SMARCE1: variants seen among roughly 807,000 people sequenced by gnomAD.
The protein encoded by SMARCE1 is SWI/SNF-related matrix-associated actin-dependent regulator of chromatin subfamily E member 1.
Under a neutral mutation model 54.9 loss-of-function variants are expected in SMARCE1, and 13 were observed. The observed-to-expected ratio is 0.24, with a 90% confidence interval of 0.15 to 0.38. The LOEUF is 0.38. Ranked by LOEUF, SMARCE1 falls within the 10% of genes least tolerant of loss-of-function variation. The pLI is 1.00. For synonymous variants in SMARCE1, 151 were observed against 175.3 expected, an observed-to-expected ratio of 0.86 and a Z score of 1.10; for missense variants, 295 against 523.8, an observed-to-expected ratio of 0.56 and a Z score of 4.26.
chr17:40,637,674 C>T (rs1483652573), intron 4 of SMARCE1, 102 bp from the exon 5 acceptor site: 15 of 808,644 alleles, frequency 1.9e-5, no homozygotes, highest in Admixed American at 1.5e-4. Flanking sequence ...TTCTTCTATT[C>T]GTCCAAATAT....
At chr17:40,646,836 A>G (rs1466817040) in intron 1 of SMARCE1, among the ~76,000 whole-genome samples, 1 of 152,186 alleles carries the variant, frequency 6.6e-6, no homozygotes, top group Non-Finnish European at 1.5e-5. Context: ...ATTTTAAGGA[A>G]ATTCCCTGGA....
intron 10 of SMARCE1, 38 bp downstream of exon 10, chr17:40,630,676 T>C: frequency 6.5e-7 from 1 of 1,543,132 alleles, no homozygotes; most frequent in Non-Finnish European, 9.0e-7. Flanking sequence ...CCGTACAAAG[T>C]CTTGGCACTG....
At chr17:40,631,320 A>G (rs918155368) in intron 9 of SMARCE1, 5 of 342,258 alleles carry the variant, frequency 1.5e-5, no homozygotes, top group Non-Finnish European at 2.6e-5. Flanking sequence ...GAAAGTAATT[A>G]ATGACTGTAT....
rs3033073 is a variant in SMARCE1 at position 40,627,718 on chromosome 17, ATTTTTT to A, written c.*1061_*1066del. On this transcript the variant is annotated 3_prime_UTR_variant, in exon 11 of 11. Coordinates refer to ENST00000348513, the MANE Select transcript of SMARCE1 (RefSeq NM_003079.5). ...TTAAAAACACTGAGACCTTTTTTTC[ATTTTTT>A]TTTTTATTACATTTGGACCTTTAAG... 2.0e-5 allele frequency: 3 copies of A among 151,650 alleles called. No individual in the cohort carries two copies. The highest frequency in any genetic ancestry group is 6.6e-5 in the Admixed American group (1 of 15,186). The allele number at this position is 151,650 out of a possible 1,614,324, so 9.4% of individuals were successfully genotyped here.
chr17:40,635,673 C>T (rs2037139635), intron 7 of SMARCE1: 1 of 277,252 alleles, frequency 3.6e-6, no homozygotes, highest in African/African-American at 2.2e-5. Flanking sequence ...ATTTAAAAAC[C>T]TTTCGTGCAT....
In SMARCE1 at chr17:40,642,050, C is replaced by A; in HGVS notation, c.156+405G>T. The A allele has an allele frequency of 4.0e-6, 1 of 251,092 alleles. No homozygotes were observed. Among genetic ancestry groups the A allele is most frequent in the East Asian group, 1.0e-4 (1 of 9,734 alleles). The allele number at this position is 251,092 out of a possible 1,614,324, so 15.6% of individuals were successfully genotyped here. A position where few individuals can be genotyped will look rare whatever the true frequency, so the allele number is the denominator to read the frequency against. On this transcript the variant is annotated intron_variant, in intron 4 of 10. Transcript: ENST00000348513. This position sits in a 1 kb window ranked among gnomAD's most constrained non-coding sequence, Gnocchi z 4.6. ...TGTACCAGCCAAAAGCTTTCCAGCCCTGAAAAAGCCAGGTCTGAAAGACCA... is the reference window on the plus strand; with the variant it reads ...TGTACCAGCCAAAAGCTTTCCAGCCATGAAAAAGCCAGGTCTGAAAGACCA...
Position 40,627,623 on chromosome 17 carries a change from G to C in SMARCE1, c.*1162C>G, listed in dbSNP as rs2037048657. 6.6e-6 allele frequency: 1 copy of C among 152,570 alleles called. No individual in the cohort carries two copies. Among genetic ancestry groups the C allele is most frequent in the Admixed American group, 6.5e-5 (1 of 15,286 alleles). 9.5% of individuals were successfully genotyped at this position (152,570 alleles called of 1,614,324 possible). On this transcript the variant is annotated 3_prime_UTR_variant, in exon 11 of 11. Transcript: ENST00000348513. The stretch of plus-strand genomic sequence containing the variant: ...TACACAAATTTATAATGGCTGAGTG[G>C]TCATTCCACACTGTCACTGCATTAC...
At position 40,630,833 on chromosome 17, in the gene SMARCE1, C is replaced by T; in HGVS notation, c.908G>A (p.Arg303Lys). ...EEQARKRQEE[R>K]EKEAAEQAER... Reference sequence around the variant, plus strand: ...AGCTTGCTCTGCGGCCTCCTTCTCCCTTTCCTCCTGCCTTTTGCGGGCCTG... The same window carrying T: ...AGCTTGCTCTGCGGCCTCCTTCTCCTTTTCCTCCTGCCTTTTGCGGGCCTG... Residue 303 changes from arginine to lysine, a missense_variant, in exon 10 of 11, where the codon AGG (arginine) becomes AAG (lysine). Transcript: ENST00000348513. 1 of 1,614,082 alleles carries T rather than the reference C, an allele frequency of 6.2e-7. No homozygotes were observed. The highest frequency in any genetic ancestry group is 8.5e-7 in the Non-Finnish European group (1 of 1,180,016).
At position 40,630,872 on chromosome 17, in the gene SMARCE1, G is replaced by A. The variant is rs758923998; in HGVS notation, c.869C>T (p.Ala290Val). Reference sequence around the variant, plus strand: ...TTTGCGGGCCTGTTCCTCTGCCTGTGCAATCTCAGCTGCAATTTTCTCCAT... The same window carrying A: ...TTTGCGGGCCTGTTCCTCTGCCTGTACAATCTCAGCTGCAATTTTCTCCAT... ...VDMEKIAAEI[A>V]QAEEQARKRQ... Residue 290 changes from alanine (A) to valine (V), a missense_variant, in exon 10 of 11, where the codon GCA becomes GTA. Around this residue, in one of 5 missense-constraint regions of SMARCE1, gnomAD observed 147 missense variants for 161.4 expected, o/e 0.91. Transcript: ENST00000348513. 1.2e-6 allele frequency: 2 copies of A among 1,613,762 alleles called. No homozygotes were observed. Among genetic ancestry groups the A allele is most frequent in the Non-Finnish European group, 1.7e-6 (2 of 1,179,992 alleles).
chr17:40,632,371 G>A lies in SMARCE1; in HGVS notation c.542-4C>T. The A allele has an allele frequency of 6.2e-7, 1 of 1,612,618 alleles. No individual in the cohort carries two copies. The highest frequency in any genetic ancestry group is 8.5e-7 in the Non-Finnish European group (1 of 1,179,150). On this transcript the variant is annotated splice_region_variant and splice_polypyrimidine_tract_variant and intron_variant, in intron 7 of 10. Transcript: ENST00000348513. ...ATTGAAAAGCCATCATCATAATCTG[G>A]AGTGAACAAATTGTTCTGGAAATCA...
rs142909631 is a variant in SMARCE1 at position 40,647,253 on chromosome 17, G to A, written c.-46+520C>T. The A allele has an allele frequency of 7.9e-5, 12 of 152,306 alleles. No individual in the cohort carries two copies. The East Asian group carries it at 2.3e-3, about 29-fold the overall frequency. The allele number at this position is 152,306 out of a possible 1,614,324, so 9.4% of individuals were successfully genotyped here. On this transcript the variant is annotated intron_variant, in intron 1 of 10. Transcript: ENST00000348513. ...CTTAACACTCACAAGTACTTTATAT[G>A]TACAGCTATCCCCATTTTACAGATG...
At chr17:40,643,706 C>T (rs993746510) in intron 3 of SMARCE1, 5 of 152,166 alleles carry the variant, frequency 3.3e-5, no homozygotes, top group African/African-American at 1.2e-4. Context: ...TAAGCTGTAG[C>T]TGTTACAAAA....
intron 4 of SMARCE1, among the ~76,000 whole-genome samples, chr17:40,639,726 C>T (rs2037179258): frequency 1.3e-5 from 2 of 152,058 alleles, no homozygotes; most frequent in South Asian, 4.1e-4. Flanking sequence ...CATTACACAC[C>T]TCCAATTTAT....
At chr17:40,647,750 C>T (rs2037275878) in intron 1 of SMARCE1, 23 bp downstream of exon 1, 1 of 153,036 alleles carries the variant, frequency 6.5e-6, no homozygotes, top group Admixed American at 6.5e-5. Flanking sequence ...CCGACCCGGT[C>T]CGTCCCACTT....
In SMARCE1 at chr17:40,632,267, G is replaced by A. The variant is rs186493032; in HGVS notation, c.642C>T (p.Asp214=). The change falls in exon 8 of 11, where the codon GAC becomes GAT. Residue 214 remains aspartate (D), a synonymous_variant. Transcript: ENST00000348513. ...TAGCTGTTGTGACAACTGACCGAAC[G>A]TCTGGCACCACACTCTCACTAAGAA... ...SEILSESVVP[D]VRSVVTTARM... The A allele has an allele frequency of 4.3e-5, 69 of 1,613,870 alleles. No individual in the cohort carries two copies. In the East Asian group the frequency reaches 1.0e-3, roughly 24 times the overall value.
rs1261416493 is a variant in SMARCE1, at chr17:40,642,155, A to T, written c.156+300T>A. ...AAAAATACTCTTTATGTCAAAAAGG[A>T]TATTTTTACCTTAAGAAATTCTGTT... On this transcript the variant is annotated intron_variant, in intron 4 of 10. Transcript: ENST00000348513. The surrounding 1 kb of genome is among the most constrained non-coding windows in gnomAD (Gnocchi z 4.6). 1.9e-6 allele frequency: 1 copy of T among 517,276 alleles called. No individual in the cohort carries two copies. The highest frequency in any genetic ancestry group is 3.4e-6 in the Non-Finnish European group (1 of 298,378). 32.0% of individuals were successfully genotyped at this position (517,276 alleles called of 1,614,324 possible).
intron 6 of SMARCE1, 124 bp from the exon 7 acceptor site, chr17:40,636,226 T>C: frequency 8.4e-7 from 1 of 1,189,634 alleles, no homozygotes; most frequent in Non-Finnish European, 1.2e-6. Context: ...ATTATCTCCT[T>C]TTTACAGGCA....
At chr17:40,633,804 T>C (rs952298480) in intron 7 of SMARCE1, 1 of 152,272 alleles carries the variant, frequency 6.6e-6, no homozygotes, top group Non-Finnish European at 1.5e-5. Context: ...TTTAAAACTC[T>C]GTAACCTTTC....
At chr17:40,637,906 T>C (rs1296009227) in intron 4 of SMARCE1, among the ~76,000 whole-genome samples, 2 of 152,190 alleles carry the variant, frequency 1.3e-5, no homozygotes, top group Non-Finnish European at 2.9e-5. Context: ...TACCCTCTTA[T>C]TCTGCTCAAT....
Sources: allele counts gnomAD v4.1 joint callset (sites outside exome capture counted in the v4.1 genomes callset), GRCh38; gene constraint gnomAD v4.1.1; regional missense constraint gnomAD v4.1.1; non-coding constraint Gnocchi (gnomAD v3.1); transcripts MANE v1.5; gene names NCBI Gene and HGNC (gene_info 2026-07-23, HGNC 2026-07-21).